Variants in CHD7 observed in about 807,000 individuals in gnomAD.
CHD7 encodes the protein chromodomain helicase DNA binding protein 7, also known as ATP-dependent chromatin remodeler CHD7.
In CHD7, 24 loss-of-function variants were observed where a neutral mutation model predicts 307.3. The observed-to-expected ratio is 0.08, with a 90% CI of 0.06 to 0.11. CHD7 has a LOEUF of 0.11. CHD7 is among the 10% of genes least tolerant of loss of function. The pLI is 1.00. For missense variants in CHD7, 3,106 were observed against 3,727.1 expected (o/e 0.83, Z 4.34); for synonymous variants, 1,363 against 1,349.9 (o/e 1.01, Z -0.21).
intron 3 of CHD7, among the ~76,000 whole-genome samples, chr8:60,787,829 C>CTTTT (rs33993174): frequency 8.3e-5 from 9 of 108,822 alleles, no homozygotes; most frequent in African/African-American, 1.0e-4. Flanking sequence ...GATTTTCTTT[C>CTTTT]TTTTTTTTTT....
chr8:60,717,773 A>G (rs1220739759), intron 1 of CHD7, among the ~76,000 whole-genome samples: 3 of 152,154 alleles, frequency 2.0e-5, no homozygotes, highest in Admixed American at 6.5e-5. Flanking sequence ...AGAGCAACAC[A>G]TTACCCATGG....
intron 8 of CHD7, among the ~76,000 whole-genome samples, chr8:60,817,528 T>G (rs1210613231): frequency 6.6e-6 from 1 of 152,194 alleles, no homozygotes; most frequent in Non-Finnish European, 1.5e-5. Flanking sequence ...TGGTTGTTCT[T>G]TTACTGGACA....
Position 60,742,609 on chromosome 8 carries a change from C to G in CHD7, c.1177C>G (p.Pro393Ala). Residue 393 changes from proline (P) to alanine (A), a missense_variant, in exon 2 of 38, where the codon CCA (proline) becomes GCA (alanine). Around this residue, in one of 10 missense-constraint regions of CHD7, gnomAD observed 998 missense variants for 1,004.5 expected, o/e 0.99. Transcript: ENST00000423902. ...ACAGCCTCAGGGAACTTATGCCTCT[C>G]CACCTCCCATGTCACCCATGAAAGC... ...PSQPQGTYAS[P>A]PPMSPMKAMS... 1 of 1,613,344 alleles carries G rather than the reference C, an allele frequency of 6.2e-7. No individual in the cohort carries two copies. The highest frequency in any genetic ancestry group is 8.5e-7 in the Non-Finnish European group (1 of 1,179,390).
intron 1 of CHD7, among the ~76,000 whole-genome samples, chr8:60,687,381 A>G (rs955375793): frequency 7.9e-5 from 12 of 152,222 alleles, no homozygotes; most frequent in African/African-American, 2.9e-4. Context: ...AACTGGCACT[A>G]TATTGAAATT....
chr8:60,696,993 T>C (rs1806513956), intron 1 of CHD7, among the ~76,000 whole-genome samples: 1 of 152,168 alleles, frequency 6.6e-6, no homozygotes, highest in South Asian at 2.1e-4. Flanking sequence ...GAATAATTTT[T>C]AAAAATTTTC....
At chr8:60,840,041 G>A (rs1172608562) in intron 19 of CHD7, among the ~76,000 whole-genome samples, 3 of 152,220 alleles carry the variant, frequency 2.0e-5, no homozygotes, top group Admixed American at 6.5e-5. Context: ...ATGATCTTTT[G>A]TGTCTGGCTT....
chr8:60,696,216 C>G (rs1347784449), intron 1 of CHD7, among the ~76,000 whole-genome samples: 1 of 151,974 alleles, frequency 6.6e-6, no homozygotes, highest in Admixed American at 6.5e-5. Flanking sequence ...TTTCTATGAC[C>G]AGGTGTCTAC....
chr8:60,857,467 C>T (rs1254934068), intron 34 of CHD7, among the ~76,000 whole-genome samples: 1 of 152,196 alleles, frequency 6.6e-6, no homozygotes, highest in Non-Finnish European at 1.5e-5. Context: ...CTTTCTTAAT[C>T]TGCTTCAACT....
rs181927766 is a variant in CHD7 at position 60,844,864 on chromosome 8, T to C, written c.4851T>C (p.Gly1617=). Residue 1617 remains glycine (G), a splice_region_variant and synonymous_variant, in exon 22 of 38, where the codon GGT becomes GGC. Transcript: ENST00000423902. ...TGCATGCTGGATATTTGCTTTGCAG[T>C]TGGGGACGGTGGACAGACATTCTTT... ...FRVEKNLLVY[G]WGRWTDILSH... 264 of 1,587,014 alleles carry C rather than the reference T, an allele frequency of 1.7e-4. No homozygotes were observed. The highest frequency in any genetic ancestry group is 1.2e-4 in the Admixed American group (7 of 58,360).
At chr8:60,718,909 A>G (rs896322721) in intron 1 of CHD7, among the ~76,000 whole-genome samples, 1 of 152,184 alleles carries the variant, frequency 6.6e-6, no homozygotes, top group Admixed American at 6.5e-5. Context: ...TACCTTTTCT[A>G]TGCTTAGATA....
rs373241103 is a variant in CHD7 at position 60,781,058 on chromosome 8, G to C, written c.1724G>C (p.Gly575Ala). The C allele has an allele frequency of 1.7e-5, 27 of 1,609,720 alleles. No individual in the cohort carries two copies. Among genetic ancestry groups the C allele is most frequent in the Non-Finnish European group, 1.2e-5 (14 of 1,178,580 alleles). The change falls in exon 3 of 38, where the codon GGA becomes GCA. Residue 575 changes from glycine (G) to alanine (A), a missense_variant. Physicochemically the swap from Gly to Ala is moderately conservative, Grantham distance 60. Coordinates refer to ENST00000423902, the MANE Select transcript of CHD7 (RefSeq NM_017780.4). ...KPVPDMTQVS[G>A]PNAQLVKSDD... ...GTGCCGGATATGACTCAGGTTAGTG[G>C]ACCGAATGCTCAGCTAGTGAAGAGT...
chr8:60,837,047 A>T (rs1160042682), intron 17 of CHD7, 35 bp downstream of exon 17: 1 of 1,527,342 alleles, frequency 6.5e-7, no homozygotes, highest in Non-Finnish European at 9.0e-7. Context: ...GCCTTTAAAA[A>T]GGAAGTCATT....
intron 3 of CHD7, among the ~76,000 whole-genome samples, chr8:60,791,868 G>A (rs1214803241): frequency 6.6e-6 from 1 of 152,326 alleles, no homozygotes; most frequent in South Asian, 2.1e-4. Flanking sequence ...TTCTATGTAT[G>A]TTGCTTGGAT....
chr8:60,756,566 A>G (rs183929071), intron 2 of CHD7, among the ~76,000 whole-genome samples: 1 of 152,288 alleles, frequency 6.6e-6, no homozygotes, highest in African/African-American at 2.4e-5. Context: ...TAGCCCAGCT[A>G]TCTGGGGGGC....
intron 1 of CHD7, among the ~76,000 whole-genome samples, chr8:60,703,365 A>G (rs1806864145): frequency 6.6e-6 from 1 of 152,224 alleles, no homozygotes. Context: ...GATTGGTCAT[A>G]TAGCACCAGA....
chr8:60,744,827 C>T (rs1453342235), intron 2 of CHD7, among the ~76,000 whole-genome samples: 1 of 150,370 alleles, frequency 6.7e-6, no homozygotes, highest in Non-Finnish European at 1.5e-5. Context: ...TTCACTCCAG[C>T]CTGGGCAACA....
rs561255469 is a variant in CHD7, at chr8:60,861,008, T to C, written c.7713T>C (p.Val2571=). The change falls in exon 35 of 38, where the codon GTT becomes GTC. Residue 2571 remains valine (V), a synonymous_variant. Coordinates refer to ENST00000423902, the MANE Select transcript of CHD7 (RefSeq NM_017780.4). ...TGGACCCAGACACACGGATCCCTGT[T>C]ATCAATCTTGAAGATGGGACTAGGC... ...GQLDPDTRIP[V]INLEDGTRLV... 25 of 1,613,974 alleles carry C rather than the reference T, an allele frequency of 1.5e-5. No homozygotes were observed. In the East Asian group the frequency reaches 5.3e-4, roughly 35 times the overall value.
intron 13 of CHD7, among the ~76,000 whole-genome samples, chr8:60,825,977 A>G (rs1353521940): frequency 2.0e-5 from 3 of 152,056 alleles, no homozygotes; most frequent in African/African-American, 7.2e-5. Flanking sequence ...TCCTAATGCT[A>G]TCCCTCCCCC....
chr8:60,740,850 G>T (rs762609168), intron 1 of CHD7, among the ~76,000 whole-genome samples: 3 of 152,230 alleles, frequency 2.0e-5, no homozygotes, highest in Admixed American at 1.3e-4. Context: ...AGGGCGGGCT[G>T]TTGGTAACCA....
Sources: allele counts gnomAD v4.1 joint callset (sites outside exome capture counted in the v4.1 genomes callset), GRCh38; gene constraint gnomAD v4.1.1; regional missense constraint gnomAD v4.1.1; transcripts MANE v1.5; gene names NCBI Gene and HGNC (gene_info 2026-07-23, HGNC 2026-07-21).